Variants in SPRED1 observed in about 807,000 individuals in gnomAD.
The protein encoded by SPRED1 is sprouty-related, EVH1 domain-containing protein 1.
Under a neutral mutation model 52.3 loss-of-function variants are expected in SPRED1, and 18 were observed. The ratio of observed to expected loss-of-function variants is 0.34; its 90% CI spans 0.24 to 0.51. The LOEUF (loss-of-function observed/expected upper bound fraction) is 0.51. Ranked by LOEUF, SPRED1 falls within the 20% of genes least tolerant of loss-of-function variation. The probability of loss-of-function intolerance (pLI) is 0.97; values close to 1 mark genes in which losing one functional copy is unlikely to be tolerated. For synonymous variants in SPRED1, 155 were observed against 179.7 expected, an observed-to-expected ratio of 0.86 and a Z score of 1.10; for missense variants, 485 against 551.0, an observed-to-expected ratio of 0.88 and a Z score of 1.20.
At chr15:38,283,560 A>G in intron 1 of SPRED1, 1 of 950,510 alleles carries the variant, frequency 1.1e-6, no homozygotes, top group Non-Finnish European at 1.3e-6. Context: ...ATATTTAGAC[A>G]TAGAAAATTG....
At chr15:38,285,385 A>G (rs189960934) in intron 1 of SPRED1, among the ~76,000 whole-genome samples, 229 of 152,298 alleles carry the variant, frequency 1.5e-3, no homozygotes, top group Admixed American at 3.7e-3. Flanking sequence ...ATGGATGGCA[A>G]ATAGAGTGGA....
intron 5 of SPRED1, among the ~76,000 whole-genome samples, chr15:38,346,127 T>C (rs1252994893): frequency 2.0e-5 from 3 of 152,068 alleles, no homozygotes; most frequent in Non-Finnish European, 4.4e-5. Flanking sequence ...CACTTGAGAC[T>C]AGGCATTTGA....
intron 1 of SPRED1, among the ~76,000 whole-genome samples, chr15:38,282,542 C>T (rs1284786450): frequency 6.6e-6 from 1 of 151,982 alleles, no homozygotes; most frequent in Non-Finnish European, 1.5e-5. Flanking sequence ...ATTCCTCATG[C>T]TACTCAAGAA....
intron 1 of SPRED1, among the ~76,000 whole-genome samples, chr15:38,257,869 T>A (rs1390203768): frequency 6.6e-6 from 1 of 152,256 alleles, no homozygotes; most frequent in Non-Finnish European, 1.5e-5. Flanking sequence ...TGTTGGTGAC[T>A]GAGAACTGCC....
At chr15:38,270,553 G>A (rs888032299) in intron 1 of SPRED1, among the ~76,000 whole-genome samples, 19 of 152,160 alleles carry the variant, frequency 1.2e-4, no homozygotes, top group Non-Finnish European at 2.6e-4. Context: ...GGCAGGCAAA[G>A]GGGAAGCAAG....
chr15:38,321,769 A>G (rs1445478419), intron 2 of SPRED1, among the ~76,000 whole-genome samples: 6 of 151,798 alleles, frequency 4.0e-5, no homozygotes, highest in Non-Finnish European at 7.4e-5. Context: ...AATTTTTTAT[A>G]TTTTTAGTAG....
intron 3 of SPRED1, among the ~76,000 whole-genome samples, chr15:38,322,932 T>A (rs1187756161): frequency 6.6e-6 from 1 of 152,138 alleles, no homozygotes; most frequent in Non-Finnish European, 1.5e-5. Context: ...ATTAAAATTA[T>A]TAACTCAAAA....
chr15:38,349,947 G>A (rs1475168191), intron 6 of SPRED1, among the ~76,000 whole-genome samples: 1 of 152,116 alleles, frequency 6.6e-6, no homozygotes, highest in Admixed American at 6.5e-5. Context: ...TTAGAAGCCT[G>A]CATTTATGGA....
intron 1 of SPRED1, among the ~76,000 whole-genome samples, chr15:38,277,216 C>G (rs1192470051): frequency 6.6e-6 from 1 of 152,082 alleles, no homozygotes; most frequent in Non-Finnish European, 1.5e-5. Flanking sequence ...CAGATTATTT[C>G]GTCACTGAGG....
intron 4 of SPRED1, among the ~76,000 whole-genome samples, chr15:38,328,562 T>C (rs1329036652): frequency 6.6e-6 from 1 of 152,238 alleles, no homozygotes; most frequent in Admixed American, 6.5e-5. Flanking sequence ...TGATGTGTAG[T>C]ATAGTGCTAA....
At chr15:38,280,013 G>T (rs1485361508) in intron 1 of SPRED1, among the ~76,000 whole-genome samples, 1 of 152,146 alleles carries the variant, frequency 6.6e-6, no homozygotes, top group African/African-American at 2.4e-5. Context: ...GCATGTGTCA[G>T]TCTCAGTGGA....
At chr15:38,298,052 A>G (rs1290497371) in intron 1 of SPRED1, among the ~76,000 whole-genome samples, 1 of 152,228 alleles carries the variant, frequency 6.6e-6, no homozygotes, top group Non-Finnish European at 1.5e-5. Flanking sequence ...AATATAATAA[A>G]AAATGGTCAC....
At chr15:38,255,180 A>G (rs1015551452) in intron 1 of SPRED1, among the ~76,000 whole-genome samples, 1 of 152,196 alleles carries the variant, frequency 6.6e-6, no homozygotes. Flanking sequence ...TTCCACTGCT[A>G]TTACAGTAAA....
At chr15:38,347,585 TGTTA>T (rs2141013575) in intron 5 of SPRED1, among the ~76,000 whole-genome samples, 1 of 151,754 alleles carries the variant, frequency 6.6e-6, no homozygotes, top group East Asian at 1.9e-4. Flanking sequence ...TGAATGTGTG[TGTTA>T]GTTTAGGGGA....
intron 2 of SPRED1, among the ~76,000 whole-genome samples, chr15:38,312,784 CT>C (rs1177742409): frequency 6.6e-6 from 1 of 151,814 alleles, no homozygotes; most frequent in Non-Finnish European, 1.5e-5. Context: ...GGTCATAAAC[CT>C]TTATATTGTA....
At chr15:38,254,375 A>G (rs1894047538) in intron 1 of SPRED1, among the ~76,000 whole-genome samples, 1 of 152,034 alleles carries the variant, frequency 6.6e-6, no homozygotes, top group South Asian at 2.1e-4. Flanking sequence ...CCACCCCAAA[A>G]CACACGCTTC....
intron 1 of SPRED1, among the ~76,000 whole-genome samples, chr15:38,257,362 T>C (rs1171204376): frequency 1.3e-5 from 2 of 152,210 alleles, no homozygotes; most frequent in East Asian, 3.8e-4. Flanking sequence ...ATTTTTTTGT[T>C]TTCTCTGAAT....
chr15:38,337,287 T>C (rs1010279585), intron 4 of SPRED1, among the ~76,000 whole-genome samples: 36 of 152,190 alleles, frequency 2.4e-4, no homozygotes, highest in African/African-American at 8.4e-4. Context: ...GAAGATACTT[T>C]TTTCTAGTTT....
At position 38,346,376 on chromosome 15, in the gene SPRED1, G is replaced by A. The variant is rs115724792; in HGVS notation, c.583-3046G>A. Among the ~76,000 whole-genome samples the A allele has an allele frequency of 4.1e-3, 618 of 152,004 alleles. 4 individuals carry two copies. The highest frequency in any genetic ancestry group is 0.014 in the African/African-American group (599 of 41,464). On this transcript the variant is annotated intron_variant, in intron 5 of 6. Transcript: ENST00000299084. ...GTTTCAAAGTCTTATAGGCCTGGAAGCCATTATAGTTCTTTAACTCAGTTT... is the reference window on the plus strand; with the variant it reads ...GTTTCAAAGTCTTATAGGCCTGGAAACCATTATAGTTCTTTAACTCAGTTT...
Sources: gnomAD v4.1 joint callset for allele counts (sites outside exome capture counted in the v4.1 genomes callset) on GRCh38, gnomAD v4.1.1 for gene constraint, MANE v1.5 for transcripts, NCBI Gene and HGNC (gene_info 2026-07-23, HGNC 2026-07-21) for gene names.